GOLGB1: variants seen among roughly 807,000 people sequenced by gnomAD.
GOLGB1 encodes golgin subfamily B member 1.
Under a neutral mutation model 336.9 loss-of-function variants are expected in GOLGB1, and 174 were observed. That is an observed-to-expected ratio of 0.52 (90% CI 0.46 to 0.59). The LOEUF (loss-of-function observed/expected upper bound fraction) is 0.59, where lower values mean the gene tolerates loss of function less well. GOLGB1 is among the 20% of genes least tolerant of loss of function. The pLI is 0.00. For missense variants in GOLGB1, 3,331 were observed against 3,645.3 expected (o/e 0.91, Z 2.22); for synonymous variants, 1,208 against 1,289.2 (o/e 0.94, Z 1.35).
At position 121,694,074 on chromosome 3, in the gene GOLGB1, A is replaced by G; in HGVS notation, c.6449T>C (p.Leu2150Pro). The G allele has an allele frequency of 3.1e-6, 5 of 1,613,982 alleles. No homozygotes were observed. The highest frequency in any genetic ancestry group is 4.2e-6 in the Non-Finnish European group (5 of 1,179,920). Residue 2150 changes from leucine to proline, a missense_variant, in exon 13 of 22, where the codon CTG becomes CCG. Transcript: ENST00000614479. ...LKEKKNMQEK[L>P]DALRREKVHL... ...GACTTTTTCTCTGCGCAAAGCATCC[A>G]GTTTCTCTTGCATATTCTTCTTCTC...
At chr3:121,688,652 C>T (rs1386675503) in intron 14 of GOLGB1, among the ~76,000 whole-genome samples, 2 of 150,376 alleles carry the variant, frequency 1.3e-5, no homozygotes, top group Non-Finnish European at 3.0e-5. Flanking sequence ...CGCCCATCGT[C>T]TGGGACGTGA....
At position 121,697,717 on chromosome 3, in the gene GOLGB1, G is replaced by A; in HGVS notation, c.2806C>T (p.Leu936Phe). Residue 936 changes from leucine to phenylalanine, a missense_variant, in exon 13 of 22, where the codon CTT (leucine) becomes TTT (phenylalanine). Coordinates refer to ENST00000614479, the MANE Select transcript of GOLGB1 (RefSeq NM_001366282.2). ...KFSLGVEIKT[L>F]KEQLNLLSRA... ...GATAATAAATTTAGCTGTTCTTTAA[G>A]AGTCTTAATTTCAACCCCAAGAGAA... 1.2e-6 allele frequency: 2 copies of A among 1,613,860 alleles called. No homozygotes were observed. Among genetic ancestry groups the A allele is most frequent in the Non-Finnish European group, 1.7e-6 (2 of 1,179,956 alleles).
chr3:121,746,145 A>T (rs2108446586), intron 1 of GOLGB1, among the ~76,000 whole-genome samples: 1 of 152,196 alleles, frequency 6.6e-6, no homozygotes, highest in South Asian at 2.1e-4. Context: ...AGTTGAGGTG[A>T]CTCCTCAAAC....
Position 121,716,959 on chromosome 3 carries a change from G to C in GOLGB1, c.1066C>G (p.Gln356Glu). ...AGTTCAGCCTGGGCTTGGCCTGCTTGCTCAAACTGTTCTAAAAGATGATGC... is the reference window on the plus strand; with the variant it reads ...AGTTCAGCCTGGGCTTGGCCTGCTTCCTCAAACTGTTCTAAAAGATGATGC... ...EMHHLLEQFE[Q>E]AGQAQAELES... is the part of the protein sequence containing the mutation. Residue 356 changes from glutamine to glutamate, a missense_variant, in exon 9 of 22, where the codon CAA (glutamine) becomes GAA (glutamate). Physicochemically the swap from Gln to Glu is conservative, Grantham distance 29 (BLOSUM62 2). Transcript: ENST00000614479. 1 of 1,613,786 alleles carries C rather than the reference G, an allele frequency of 6.2e-7. No individual in the cohort carries two copies. Among genetic ancestry groups the C allele is most frequent in the Non-Finnish European group, 8.5e-7 (1 of 1,179,828 alleles).
At chr3:121,687,607 ACT>A (rs1462049938) in intron 14 of GOLGB1, among the ~76,000 whole-genome samples, 13 of 152,294 alleles carry the variant, frequency 8.5e-5, no homozygotes, top group African/African-American at 3.1e-4. Context: ...GAATAATATG[ACT>A]CTGAATTACA....
At chr3:121,738,651 G>A (rs186788533) in intron 1 of GOLGB1, among the ~76,000 whole-genome samples, 102 of 152,308 alleles carry the variant, frequency 6.7e-4, no homozygotes, top group Middle Eastern at 6.8e-3. Flanking sequence ...AGGGGCCTAC[G>A]AGGGCTGAAA....
chr3:121,678,708 C>T (rs1222250559), intron 15 of GOLGB1, among the ~76,000 whole-genome samples: 1 of 152,110 alleles, frequency 6.6e-6, no homozygotes, highest in Admixed American at 6.5e-5. Context: ...GCTGGGATTA[C>T]AGGCGCACGC....
intron 1 of GOLGB1, among the ~76,000 whole-genome samples, chr3:121,744,711 A>G (rs1260544894): frequency 6.6e-6 from 1 of 152,148 alleles, no homozygotes; most frequent in Admixed American, 6.5e-5. Context: ...ATAACCATTT[A>G]AAAATATGTA....
chr3:121,683,268 A>G (rs2107684628), intron 14 of GOLGB1, among the ~76,000 whole-genome samples: 1 of 151,856 alleles, frequency 6.6e-6, no homozygotes, highest in East Asian at 1.9e-4. Flanking sequence ...ACAGACAACT[A>G]ATTTTATTCT....
chr3:121,704,441 G>A (rs1387287040), intron 10 of GOLGB1, among the ~76,000 whole-genome samples: 1 of 152,108 alleles, frequency 6.6e-6, no homozygotes, highest in African/African-American at 2.4e-5. Context: ...CCAATTGTTA[G>A]GGAAAAAATA....
At chr3:121,671,994 A>G (rs1939609918) in intron 17 of GOLGB1, among the ~76,000 whole-genome samples, 1 of 152,238 alleles carries the variant, frequency 6.6e-6, no homozygotes, top group African/African-American at 2.4e-5. Context: ...TAAAAGCTGA[A>G]TAATATTCCC....
intron 1 of GOLGB1, among the ~76,000 whole-genome samples, chr3:121,746,395 C>T (rs888658812): frequency 1.3e-5 from 2 of 152,158 alleles, no homozygotes; most frequent in African/African-American, 4.8e-5. Context: ...CACAGCGTGA[C>T]CTGCCAAACA....
At chr3:121,679,949 C>A (rs1348235765) in intron 15 of GOLGB1, among the ~76,000 whole-genome samples, 1 of 152,122 alleles carries the variant, frequency 6.6e-6, no homozygotes, top group Non-Finnish European at 1.5e-5. Flanking sequence ...TGAGTACTAC[C>A]CAGTGGTAAC....
At chr3:121,685,646 A>G (rs1376920299) in intron 14 of GOLGB1, among the ~76,000 whole-genome samples, 1 of 152,180 alleles carries the variant, frequency 6.6e-6, no homozygotes, top group Non-Finnish European at 1.5e-5. Flanking sequence ...CTGTTAGTGT[A>G]AAGAAAATCA....
Position 121,727,179 on chromosome 3 carries a change from C to T in GOLGB1, c.403-138G>A. The stretch of plus-strand genomic sequence containing the variant: ...ATGGGAGCAAGAAAAACCAGCTGAT[C>T]TAACAAATAAGAAATCTTAGGGTTG... On this transcript the variant is annotated intron_variant, in intron 4 of 21. Coordinates refer to ENST00000614479, the MANE Select transcript of GOLGB1 (RefSeq NM_001366282.2). 7.1e-6 allele frequency: 3 copies of T among 420,358 alleles called. No homozygotes were observed. In the South Asian group the frequency reaches 1.0e-4, roughly 15 times the overall value. 26.0% of individuals were successfully genotyped at this position (420,358 alleles called of 1,614,324 possible).
intron 14 of GOLGB1, among the ~76,000 whole-genome samples, chr3:121,690,080 AG>A (rs2107767187): frequency 6.6e-6 from 1 of 152,376 alleles, no homozygotes; most frequent in East Asian, 1.9e-4. Flanking sequence ...GGGTATTAAA[AG>A]GAAGTGGGTA....
Position 121,696,402 on chromosome 3 carries a change from CT to C in GOLGB1, c.4120del (p.Ser1374AlafsTer16). ...GCTGCTTTCCAATTTCTGCTGCAGG[CT>C]TTCGGCATGGACTTCAGCTTCATGG... ...VSHEAEVHAE[S>X]LQQKLESSQL... is the part of the protein sequence containing the mutation. On this transcript the variant is annotated frameshift_variant, in exon 13 of 22. Coordinates refer to ENST00000614479, the MANE Select transcript of GOLGB1 (RefSeq NM_001366282.2). LOFTEE classifies it high-confidence loss of function. 6.2e-7 allele frequency: 1 copy of C among 1,614,174 alleles called. No homozygotes were observed. The highest frequency in any genetic ancestry group is 2.2e-5 in the East Asian group (1 of 44,886).
rs751511999 is a variant in GOLGB1 at position 121,697,703 on chromosome 3, T to C, written c.2820A>G (p.Leu940=). ...GVEIKTLKEQ[L]NLLSRAEEAK... ...CTTCCTCAGCTCTGGATAATAAATT[T>C]AGCTGTTCTTTAAGAGTCTTAATTT... Residue 940 remains leucine (L), a synonymous_variant, in exon 13 of 22, where the codon CTA becomes CTG. Transcript: ENST00000614479. The C allele has an allele frequency of 6.2e-7, 1 of 1,613,788 alleles. No individual in the cohort carries two copies. The highest frequency in any genetic ancestry group is 8.5e-7 in the Non-Finnish European group (1 of 1,179,956).
chr3:121,678,090 G>A (rs1940635861), intron 15 of GOLGB1, among the ~76,000 whole-genome samples: 1 of 152,132 alleles, frequency 6.6e-6, no homozygotes, highest in Admixed American at 6.5e-5. Flanking sequence ...CAGTTGTTTT[G>A]CCATTTTCTT....
Sources: allele counts gnomAD v4.1 joint callset (sites outside exome capture counted in the v4.1 genomes callset), GRCh38; gene constraint gnomAD v4.1.1; transcripts MANE v1.5; gene names NCBI Gene and HGNC (gene_info 2026-07-23, HGNC 2026-07-21).